The following ARHGAP24 variants were observed in gnomAD, a reference collection of about 807,000 sequenced individuals.
ARHGAP24 encodes the protein rho GTPase-activating protein 24.
Under a neutral mutation model 76.4 loss-of-function variants are expected in ARHGAP24, and 50 were observed. That is an observed-to-expected ratio of 0.65 (90% CI 0.52 to 0.83). The LOEUF (loss-of-function observed/expected upper bound fraction) is 0.83. Ranked by LOEUF, ARHGAP24 falls within the 40% of genes least tolerant of loss-of-function variation. ARHGAP24 has a pLI of 0.00. For missense variants in ARHGAP24, 930 were observed against 914.2 expected (o/e 1.02, Z -0.22); for synonymous variants, 345 against 323.3 (o/e 1.07, Z -0.72).
intron 1 of ARHGAP24, among the ~76,000 whole-genome samples, chr4:85,543,021 G>T (rs995400309): frequency 2.6e-5 from 4 of 152,142 alleles, no homozygotes; most frequent in African/African-American, 9.7e-5. Flanking sequence ...TGCTGCTAAC[G>T]ATGCTGCTGC....
intron 2 of ARHGAP24, among the ~76,000 whole-genome samples, chr4:85,640,398 T>A (rs1156976542): frequency 6.6e-6 from 1 of 152,216 alleles, no homozygotes; most frequent in Non-Finnish European, 1.5e-5. Flanking sequence ...TGGCCCCTTG[T>A]GGCATGGCAT....
chr4:85,894,443 C>G (rs1216749876), intron 3 of ARHGAP24, among the ~76,000 whole-genome samples: 2 of 152,204 alleles, frequency 1.3e-5, no homozygotes, highest in Non-Finnish European at 2.9e-5. Flanking sequence ...AGTCAACTCT[C>G]TCTTCTCCTC....
chr4:85,532,495 T>C (rs1163838094), intron 1 of ARHGAP24, among the ~76,000 whole-genome samples: 1 of 152,192 alleles, frequency 6.6e-6, no homozygotes, highest in African/African-American at 2.4e-5. Context: ...GAGTACATGG[T>C]ACAATTGGAG....
chr4:85,501,343 A>C (rs950975805), intron 1 of ARHGAP24, among the ~76,000 whole-genome samples: 4 of 152,228 alleles, frequency 2.6e-5, no homozygotes, highest in African/African-American at 4.8e-5. Context: ...TCCCACCAAC[A>C]GTGTAAATGC....
chr4:85,889,626 G>T (rs1023773822), intron 3 of ARHGAP24, among the ~76,000 whole-genome samples: 1 of 152,126 alleles, frequency 6.6e-6, no homozygotes, highest in Non-Finnish European at 1.5e-5. Context: ...CTATTTAGCT[G>T]CTTGTTTACT....
At chr4:85,868,358 G>A (rs930728662) in intron 3 of ARHGAP24, among the ~76,000 whole-genome samples, 2 of 152,060 alleles carry the variant, frequency 1.3e-5, no homozygotes, top group African/African-American at 4.8e-5. Context: ...TTTCTATTCA[G>A]ACCTTTAAAA....
At chr4:85,622,256 C>T (rs1176593639) in intron 2 of ARHGAP24, among the ~76,000 whole-genome samples, 1 of 87,144 alleles carries the variant, frequency 1.1e-5, no homozygotes, top group Admixed American at 1.6e-4. Flanking sequence ...CCTCCCCCCA[C>T]CCCAAACAGT....
intron 8 of ARHGAP24, 74 bp from the exon 9 acceptor site, chr4:85,994,509 T>A: frequency 7.1e-7 from 1 of 1,402,146 alleles, no homozygotes; most frequent in Non-Finnish European, 1.0e-6. Context: ...ATGTGTTTCT[T>A]TAAGAGTCAC....
chr4:85,494,348 C>T (rs942585106), intron 1 of ARHGAP24, among the ~76,000 whole-genome samples: 5 of 152,216 alleles, frequency 3.3e-5, no homozygotes, highest in African/African-American at 1.2e-4. Context: ...GTTCAACACC[C>T]ACTTAATGAG....
In ARHGAP24 at chr4:85,721,886, G is replaced by T. The variant is rs575623188; in HGVS notation, c.182G>T (p.Gly61Val). 6.2e-7 allele frequency: 1 copy of T among 1,612,926 alleles called. No homozygotes were observed. The highest frequency in any genetic ancestry group is 1.1e-5 in the South Asian group (1 of 91,056). ...FKDEDETKPLGTIFLPGNKVS... is the reference protein window; with the variant it reads ...FKDEDETKPLVTIFLPGNKVS... ...TGTTTTGGGTATTTGTTTTCACAGG[G>T]TACTATTTTTCTGCCTGGAAATAAA... The change falls in exon 3 of 10, where the codon GGT (glycine) becomes GTT (valine). Residue 61 changes from glycine (G) to valine (V), a missense_variant and splice_region_variant. Gly to Val is a moderately radical substitution (Grantham distance 109). Coordinates refer to ENST00000395184, the MANE Select transcript of ARHGAP24 (RefSeq NM_001025616.3).
chr4:85,807,383 G>A (rs2110109792), intron 3 of ARHGAP24, among the ~76,000 whole-genome samples: 1 of 152,100 alleles, frequency 6.6e-6, no homozygotes, highest in Non-Finnish European at 1.5e-5. Context: ...TCTTGTGTTA[G>A]TTTGCTGAGA....
Position 85,994,054 on chromosome 4 carries a change from A to G in ARHGAP24, c.929-529A>G, listed in dbSNP as rs182199016. Reference sequence around the variant, plus strand: ...AGTCTTATGGATTTTCATTATCTTGATATATTAGAGAAACCATGCATCCAC... The same window carrying G: ...AGTCTTATGGATTTTCATTATCTTGGTATATTAGAGAAACCATGCATCCAC... On this transcript the variant is annotated intron_variant, in intron 8 of 9. Coordinates refer to ENST00000395184, the MANE Select transcript of ARHGAP24 (RefSeq NM_001025616.3). 1.8e-3 allele frequency among the ~76,000 whole-genome samples: 278 copies of G among 152,274 alleles called. 2 individuals are homozygous for G. The highest frequency in any genetic ancestry group is 5.7e-3 in the African/African-American group (237 of 41,570).
chr4:85,856,423 C>T (rs1731568150), intron 3 of ARHGAP24, among the ~76,000 whole-genome samples: 1 of 149,898 alleles, frequency 6.7e-6, no homozygotes, highest in South Asian at 2.1e-4. Context: ...TTACAATGAA[C>T]ATATGATACT....
intron 3 of ARHGAP24, among the ~76,000 whole-genome samples, chr4:85,863,716 T>C (rs1732030356): frequency 6.6e-6 from 1 of 152,082 alleles, no homozygotes; most frequent in Non-Finnish European, 1.5e-5. Flanking sequence ...GAACCTTGAA[T>C]TGTCAAACTG....
intron 3 of ARHGAP24, among the ~76,000 whole-genome samples, chr4:85,865,013 C>T (rs1448346804): frequency 6.6e-6 from 1 of 152,004 alleles, no homozygotes; most frequent in Non-Finnish European, 1.5e-5. Flanking sequence ...GGTGTCATGG[C>T]CTTGTAAGCA....
chr4:85,786,027 A>T (rs1727823582), intron 3 of ARHGAP24, among the ~76,000 whole-genome samples: 1 of 152,060 alleles, frequency 6.6e-6, no homozygotes, highest in Admixed American at 6.6e-5. Context: ...CTTTTTCTTA[A>T]CATCTATGGC....
chr4:85,731,126 G>A (rs1205928822), intron 3 of ARHGAP24, among the ~76,000 whole-genome samples: 1 of 151,170 alleles, frequency 6.6e-6, no homozygotes, highest in East Asian at 1.9e-4. Flanking sequence ...TTAATAAGTG[G>A]TAAAGCCAGG....
intron 7 of ARHGAP24, among the ~76,000 whole-genome samples, chr4:85,976,766 G>A (rs1167707959): frequency 6.9e-6 from 1 of 144,958 alleles, no homozygotes; most frequent in Non-Finnish European, 1.5e-5. Context: ...AATTTCTACA[G>A]CATTTTATTT....
chr4:85,889,798 A>ATAG, intron 3 of ARHGAP24, among the ~76,000 whole-genome samples: 1 of 152,266 alleles, frequency 6.6e-6, no homozygotes, highest in South Asian at 2.1e-4. Flanking sequence ...TTTACAGCTG[A>ATAG]TAGTAGCAAG....
Sources: allele counts gnomAD v4.1 joint callset (sites outside exome capture counted in the v4.1 genomes callset), GRCh38; gene constraint gnomAD v4.1.1; transcripts MANE v1.5; gene names NCBI Gene and HGNC (gene_info 2026-07-23, HGNC 2026-07-21).